Variants in DMD observed in about 807,000 individuals in gnomAD.
DMD encodes mutant dystrophin.
In DMD, 63 loss-of-function variants were observed where a neutral mutation model predicts 330.1. The observed-to-expected ratio is 0.19, with a 90% CI of 0.16 to 0.24. DMD has a LOEUF of 0.24. DMD is among the 10% of genes least tolerant of loss of function. The pLI is 1.00. For synonymous variants in DMD, 1,223 were observed against 959.8 expected (o/e 1.27, Z -5.07); for missense variants, 3,344 against 2,684.1 (o/e 1.25, Z -5.43).
At chrX:31,833,338 GAGT>G in intron 49 of DMD, among the ~76,000 whole-genome samples, 4 of 35,642 alleles carry the variant, frequency 1.1e-4, no homozygotes, top group African/African-American at 2.7e-4. Context: ...GAGAGGGAGA[GAGT>G]GGAGAGGGAG....
chrX:31,777,688 T>C (rs996223423), intron 50 of DMD, among the ~76,000 whole-genome samples: 1 of 111,730 alleles, frequency 9.0e-6, no homozygotes. Context: ...ACAATGAACA[T>C]CTTGACCCTC....
At chrX:32,801,587 C>T (rs2076569763) in intron 7 of DMD, among the ~76,000 whole-genome samples, 1 of 111,772 alleles carries the variant, frequency 8.9e-6, no homozygotes. Flanking sequence ...TTTGCCCATG[C>T]CTATGTCCTG....
chrX:32,398,268 C>T (rs1160463446), intron 30 of DMD, among the ~76,000 whole-genome samples: 3 of 98,031 alleles, frequency 3.1e-5, no homozygotes, highest in African/African-American at 1.1e-4. Flanking sequence ...TTTAAACCCC[C>T]CCCCCCAAGT....
At chrX:31,291,217 C>A (rs2053666481) in intron 62 of DMD, among the ~76,000 whole-genome samples, 1 of 110,014 alleles carries the variant, frequency 9.1e-6, no homozygotes, top group African/African-American at 3.3e-5. Context: ...TTGGCATGCA[C>A]AAATGTTTTG....
intron 50 of DMD, among the ~76,000 whole-genome samples, chrX:31,780,205 G>A (rs960106573): frequency 2.7e-5 from 3 of 112,026 alleles, no homozygotes; most frequent in Non-Finnish European, 3.8e-5. Context: ...TGGTTTTCCT[G>A]TAATTCACAG....
At chrX:32,690,857 T>C (rs981635268) in intron 9 of DMD, among the ~76,000 whole-genome samples, 12 of 111,463 alleles carry the variant, frequency 1.1e-4, no homozygotes, top group African/African-American at 3.9e-4. Flanking sequence ...GGATAAAATA[T>C]GTAAATGTAA....
At chrX:33,233,019 T>C in intron 1 of DMD, among the ~76,000 whole-genome samples, 1 of 111,218 alleles carries the variant, frequency 9.0e-6, no homozygotes, top group Non-Finnish European at 1.9e-5. Context: ...CTATTGTACA[T>C]GATGGTGACT....
intron 1 of DMD, among the ~76,000 whole-genome samples, chrX:33,325,071 ATCATT>A (rs1569132492): frequency 8.9e-6 from 1 of 111,933 alleles, no homozygotes; most frequent in Non-Finnish European, 1.9e-5. Flanking sequence ...CCCACAAATG[ATCATT>A]TCATTTTCTA....
intron 4 of DMD, among the ~76,000 whole-genome samples, chrX:32,824,821 A>T (rs1321837628): frequency 1.8e-5 from 2 of 112,031 alleles, no homozygotes; most frequent in African/African-American, 6.5e-5. Context: ...ATGAATGTTG[A>T]CATCTTGGTC....
intron 2 of DMD, among the ~76,000 whole-genome samples, chrX:32,973,755 AC>A (rs897134012): frequency 1.8e-5 from 2 of 112,073 alleles, no homozygotes; most frequent in African/African-American, 6.5e-5. Context: ...ATTGTTTTAA[AC>A]TGCTAAGTAT....
rs368114420 is a variant in DMD, at chrX:31,478,153, C to A, written c.8890G>T (p.Gly2964Cys). 5.8e-6 allele frequency: 7 copies of A among 1,208,398 alleles called. No individual in the cohort carries two copies. Among genetic ancestry groups the A allele is most frequent in the African/African-American group, 3.5e-5 (2 of 56,949 alleles). The change falls in exon 59 of 79, where the codon GGC (glycine) becomes TGC (cysteine). Residue 2964 changes from glycine (G) to cysteine (C), a missense_variant. Transcript: ENST00000357033. ...EVIKGSWQPVGDLLIDSLQDH... is the reference protein window; with the variant it reads ...EVIKGSWQPVCDLLIDSLQDH... ...TGGAGAGAGTCAATGAGGAGATCGCCCACGGGCTGCCAGGATCCCTTGATC... is the reference window on the plus strand; with the variant it reads ...TGGAGAGAGTCAATGAGGAGATCGCACACGGGCTGCCAGGATCCCTTGATC...
At chrX:32,361,164 A>C (rs775218787) in intron 37 of DMD, among the ~76,000 whole-genome samples, 1 of 109,729 alleles carries the variant, frequency 9.1e-6, no homozygotes. Context: ...ATATCTTAGT[A>C]ATGAAGTAGT....
In DMD at chrX:32,261,670, T is replaced by C. The variant is rs180861811; in HGVS notation, c.6290+25859A>G. On this transcript the variant is annotated intron_variant, in intron 43 of 78. Coordinates refer to ENST00000357033, the MANE Select transcript of DMD (RefSeq NM_004006.3). ...CTCAAAAGAACAACCTACAAATGTC[T>C]ACCCACAGAAGTTATACAGGCTATT... is the stretch of plus-strand genomic sequence containing the variant. Among the ~76,000 whole-genome samples the C allele has an allele frequency of 8.0e-5, 9 of 112,075 alleles. No individual in the cohort carries two copies. The East Asian group carries it at 1.7e-3, about 21-fold the overall frequency.
intron 1 of DMD, among the ~76,000 whole-genome samples, chrX:33,100,687 G>A (rs777496139): frequency 3.6e-5 from 4 of 111,015 alleles, no homozygotes; most frequent in African/African-American, 6.6e-5. Flanking sequence ...GCAAAACTCC[G>A]TCTCAAAAAA....
chrX:32,760,597 G>T (rs773146988), intron 7 of DMD, among the ~76,000 whole-genome samples: 2 of 111,964 alleles, frequency 1.8e-5, no homozygotes, highest in African/African-American at 3.2e-5. Context: ...TTCAATAAAT[G>T]CTTGGTGAAT....
At chrX:31,547,303 C>T (rs1001985718) in intron 55 of DMD, among the ~76,000 whole-genome samples, 2 of 112,020 alleles carry the variant, frequency 1.8e-5, no homozygotes, top group African/African-American at 6.5e-5. Context: ...GAAATGCTAG[C>T]ACCACGCTAA....
chrX:32,307,522 T>C (rs2097545052), intron 42 of DMD, among the ~76,000 whole-genome samples: 1 of 111,426 alleles, frequency 9.0e-6, no homozygotes, highest in Non-Finnish European at 1.9e-5. Context: ...GCATGCTGAG[T>C]CAGGAAATGA....
At chrX:32,599,892 C>CAAAT (rs1293636697) in intron 12 of DMD, among the ~76,000 whole-genome samples, 1 of 111,615 alleles carries the variant, frequency 9.0e-6, no homozygotes, top group Non-Finnish European at 1.9e-5. Context: ...TGTTTGTTGT[C>CAAAT]AAATGTCAAA....
intron 2 of DMD, among the ~76,000 whole-genome samples, chrX:32,878,811 C>T (rs1194102181): frequency 9.2e-6 from 1 of 108,466 alleles, no homozygotes; most frequent in African/African-American, 3.4e-5. Flanking sequence ...AGTTCGAGAC[C>T]AGCCTGACCG....
Sources: allele counts gnomAD v4.1 joint callset (sites outside exome capture counted in the v4.1 genomes callset), GRCh38; gene constraint gnomAD v4.1.1; transcripts MANE v1.5; gene names NCBI Gene and HGNC (gene_info 2026-07-23, HGNC 2026-07-21).